FAM227B: variants seen among roughly 807,000 people sequenced by gnomAD.
FAM227B encodes protein FAM227B.
Under a neutral mutation model 73.8 loss-of-function variants are expected in FAM227B, and 88 were observed. The ratio of observed to expected loss-of-function variants is 1.19; its 90% confidence interval spans 1.00 to 1.42. FAM227B has a LOEUF of 1.42. FAM227B is among the 40% of genes most tolerant of loss of function. The pLI, the probability that FAM227B is intolerant of heterozygous loss-of-function variation, is 0.00. For missense variants in FAM227B, 632 were observed against 590.9 expected (o/e 1.07, Z -0.72); for synonymous variants, 210 against 190.5 (o/e 1.10, Z -0.84).
At chr15:49,577,927 C>T (rs1174874244) in intron 5 of FAM227B, among the ~76,000 whole-genome samples, 1 of 152,122 alleles carries the variant, frequency 6.6e-6, no homozygotes, top group Non-Finnish European at 1.5e-5. Flanking sequence ...AAACAAACTA[C>T]TTATTACAGT....
At chr15:49,618,767 A>G (rs1351379942) in intron 1 of FAM227B, among the ~76,000 whole-genome samples, 3 of 152,270 alleles carry the variant, frequency 2.0e-5, no homozygotes, top group Non-Finnish European at 4.4e-5. Flanking sequence ...CAATGTAAGT[A>G]TATTTAGACA....
intron 11 of FAM227B, among the ~76,000 whole-genome samples, chr15:49,480,858 G>A (rs2152011539): frequency 6.6e-6 from 1 of 152,286 alleles, no homozygotes; most frequent in Non-Finnish European, 1.5e-5. Context: ...TTTTGGGAGA[G>A]GGGCAATATG....
At chr15:49,344,954 A>G (rs559037313) in intron 13 of FAM227B, among the ~76,000 whole-genome samples, 9 of 152,326 alleles carry the variant, frequency 5.9e-5, no homozygotes, top group East Asian at 3.9e-4. Context: ...AATACAACCA[A>G]TGATACACTT....
At position 49,482,095 on chromosome 15, in the gene FAM227B, T is replaced by C. The variant is rs2056000587; in HGVS notation, c.1012+26116A>G. On this transcript the variant is annotated intron_variant, in intron 11 of 15. Transcript: ENST00000299338. ...GCCCAATCACACAGATAATTGACAC[T>C]TTGACTTTTCTTTGCACTGTGTTAG... Among the ~76,000 whole-genome samples, 4 of 152,268 alleles carry C rather than the reference T, an allele frequency of 2.6e-5. No homozygotes were observed. The South Asian group carries it at 8.3e-4, about 32-fold the overall frequency.
chr15:49,603,070 G>C (rs913574508), intron 3 of FAM227B, among the ~76,000 whole-genome samples: 1 of 144,784 alleles, frequency 6.9e-6, no homozygotes, highest in Non-Finnish European at 1.6e-5. Flanking sequence ...TTTGAAGTCA[G>C]GTAATGTGAT....
intron 9 of FAM227B, among the ~76,000 whole-genome samples, chr15:49,555,264 C>A (rs1605478): frequency 0.33 from 49,876 of 152,046 alleles, 8,964 homozygotes; most frequent in African/African-American, 0.46. Flanking sequence ...TAGTGAATTC[C>A]CTTAACATTT....
Position 49,359,406 on chromosome 15 carries a change from AC to A in FAM227B, c.1271+8041del, listed in dbSNP as rs1270870511. 9.7e-4 allele frequency among the ~76,000 whole-genome samples: 115 copies of A among 119,052 alleles called. 38 individuals carry two copies. Among genetic ancestry groups the A allele is most frequent in the African/African-American group, 3.3e-3 (103 of 30,876 alleles). The allele number at this position is 119,052 out of a possible 152,430, so 78.1% of individuals were successfully genotyped here. A position where few individuals can be genotyped will look rare whatever the true frequency, so the allele number is the denominator to read the frequency against. On this transcript the variant is annotated intron_variant, in intron 13 of 15. Transcript: ENST00000299338. ...CAAATTTACAAGAAAAAAACAAACA[AC>A]CCCATCAAATAGTGGGCGAAGGACA...
At position 49,367,378 on chromosome 15, in the gene FAM227B, C is replaced by T. The variant is rs935478319; in HGVS notation, c.1271+70G>A. 3.9e-6 allele frequency: 5 copies of T among 1,292,770 alleles called. No homozygotes were observed. The Admixed American group carries it at 8.2e-5, about 21-fold the overall frequency. 80.1% of individuals were successfully genotyped at this position (1,292,770 alleles called of 1,614,324 possible). ...CATTCAATTTGTTTCTCAATTGAGACATTCAGTGAAATGTTTTGAATATTA... is the reference window on the plus strand; with the variant it reads ...CATTCAATTTGTTTCTCAATTGAGATATTCAGTGAAATGTTTTGAATATTA... On this transcript the variant is annotated intron_variant, in intron 13 of 15. Coordinates refer to ENST00000299338, the MANE Select transcript of FAM227B (RefSeq NM_152647.3).
At chr15:49,586,080 C>A (rs886531804) in intron 5 of FAM227B, among the ~76,000 whole-genome samples, 1 of 149,496 alleles carries the variant, frequency 6.7e-6, no homozygotes, top group East Asian at 1.9e-4. Flanking sequence ...CAAGACAATC[C>A]TAAGTAAAAA....
chr15:49,598,788 T>C (rs554917299), intron 3 of FAM227B, among the ~76,000 whole-genome samples: 18 of 152,168 alleles, frequency 1.2e-4, no homozygotes, highest in African/African-American at 3.1e-4. Flanking sequence ...TTGCATCCCA[T>C]GAATAAATCC....
chr15:49,524,305 C>A (rs1027184891), intron 10 of FAM227B, among the ~76,000 whole-genome samples: 3 of 149,632 alleles, frequency 2.0e-5, no homozygotes, highest in Non-Finnish European at 4.5e-5. Flanking sequence ...CCACTCCAGT[C>A]ATAGCTAAAA....
intron 11 of FAM227B, among the ~76,000 whole-genome samples, chr15:49,456,027 A>G (rs973190966): frequency 1.3e-5 from 2 of 152,166 alleles, no homozygotes; most frequent in African/African-American, 4.8e-5. Flanking sequence ...ATGCTGTTAC[A>G]TGCTTTAATG....
chr15:49,610,379 T>C (rs985747891), intron 3 of FAM227B, among the ~76,000 whole-genome samples: 6 of 144,732 alleles, frequency 4.1e-5, no homozygotes, highest in Admixed American at 2.8e-4. Context: ...TGACTAAGAA[T>C]GTTTTCATCT....
chr15:49,576,497 A>C (rs531222012), intron 7 of FAM227B: 1 of 329,262 alleles, frequency 3.0e-6, no homozygotes, highest in East Asian at 6.3e-5. Flanking sequence ...AACACCTGTT[A>C]CGGTTACATG....
chr15:49,337,596 T>C lies in FAM227B; in HGVS notation c.1272-2100A>G, dbSNP rs1193586872. On this transcript the variant is annotated intron_variant, in intron 13 of 15. Coordinates refer to ENST00000299338, the MANE Select transcript of FAM227B (RefSeq NM_152647.3). Reference sequence around the variant, plus strand: ...AACATGCAGGTTTGTTACATAGGTATACATGTGCCATGGTGGTTTGCTGCA... The same window carrying C: ...AACATGCAGGTTTGTTACATAGGTACACATGTGCCATGGTGGTTTGCTGCA... Among the ~76,000 whole-genome samples the C allele has an allele frequency of 2.1e-5, 3 of 146,262 alleles. No homozygotes were observed. The Admixed American group carries it at 2.1e-4, about 10-fold the overall frequency.
chr15:49,392,254 CAG>C (rs1443339576), intron 11 of FAM227B, among the ~76,000 whole-genome samples: 2 of 152,002 alleles, frequency 1.3e-5, no homozygotes, highest in African/African-American at 2.4e-5. Flanking sequence ...AAGAAACTAA[CAG>C]AATTTATGGA....
chr15:49,402,761 C>G (rs1171599471), intron 11 of FAM227B, among the ~76,000 whole-genome samples: 1 of 151,840 alleles, frequency 6.6e-6, no homozygotes, highest in Non-Finnish European at 1.5e-5. Context: ...TCTTCCTATT[C>G]GAATACTCTT....
intron 11 of FAM227B, among the ~76,000 whole-genome samples, chr15:49,491,797 T>C (rs1165464388): frequency 1.3e-5 from 2 of 151,882 alleles, no homozygotes; most frequent in Admixed American, 6.6e-5. Flanking sequence ...AAGCATATAT[T>C]GACAATTCTA....
At chr15:49,540,892 A>G (rs907844641) in intron 10 of FAM227B, among the ~76,000 whole-genome samples, 1 of 152,036 alleles carries the variant, frequency 6.6e-6, no homozygotes, top group Admixed American at 6.6e-5. Context: ...ACCCGTGTGT[A>G]TTCATAGGTG....
Sources: allele counts gnomAD v4.1 joint callset (sites outside exome capture counted in the v4.1 genomes callset), GRCh38; gene constraint gnomAD v4.1.1; transcripts MANE v1.5; gene names NCBI Gene and HGNC (gene_info 2026-07-23, HGNC 2026-07-21).